SEC61A2: variants seen among roughly 807,000 people sequenced by gnomAD.
SEC61A2 encodes the protein protein transport protein Sec61 subunit alpha isoform 2.
SEC61A2 carries 28 observed loss-of-function variants against 59.9 expected under a neutral mutation model. The observed-to-expected ratio is 0.47, with a 90% CI of 0.35 to 0.64. The LOEUF (loss-of-function observed/expected upper bound fraction) is 0.64, where lower values mean the gene tolerates loss of function less well. SEC61A2 is among the 30% of genes least tolerant of loss of function. SEC61A2 has a pLI of 0.01. For missense variants in SEC61A2, 340 were observed against 585.9 expected (o/e 0.58, Z 4.33); for synonymous variants, 202 against 214.4 (o/e 0.94, Z 0.50).
Position 12,154,454 on chromosome 10 carries a change from C to T in SEC61A2, c.463-1324C>T, listed in dbSNP as rs559061783. Among the ~76,000 whole-genome samples the T allele has an allele frequency of 2.6e-5, 4 of 152,272 alleles. No individual in the cohort carries two copies. The highest frequency in any genetic ancestry group is 6.5e-5 in the Admixed American group (1 of 15,300). ...GCTTTCTGTGGCTGATGTTCATGGACGGCTGTTGCCTCCTGCATAGGATGG... is the reference window on the plus strand; with the variant it reads ...GCTTTCTGTGGCTGATGTTCATGGATGGCTGTTGCCTCCTGCATAGGATGG... On this transcript the variant is annotated intron_variant, in intron 6 of 11. Coordinates refer to ENST00000298428, the MANE Select transcript of SEC61A2 (RefSeq NM_018144.4). The surrounding 1 kb of genome is among the most constrained non-coding windows in gnomAD (Gnocchi z 5.2).
intron 2 of SEC61A2, among the ~76,000 whole-genome samples, chr10:12,135,352 A>G (rs1833860920): frequency 6.6e-6 from 1 of 152,198 alleles, no homozygotes; most frequent in Admixed American, 6.5e-5. Flanking sequence ...TATTTAAGGT[A>G]AAAATTTTGA....
rs1392298729 is a variant in SEC61A2, at chr10:12,162,857, G to C, written c.1244+568G>C. On this transcript the variant is annotated intron_variant, in intron 11 of 11. Coordinates refer to ENST00000298428, the MANE Select transcript of SEC61A2 (RefSeq NM_018144.4). This position sits in a 1 kb window ranked among gnomAD's most constrained non-coding sequence, Gnocchi z 6.1. The stretch of plus-strand genomic sequence containing the variant: ...TTGTCTCTACAGATTTGCCTATTCT[G>C]TACATTTCATATAAATGGAATCATA... Among the ~76,000 whole-genome samples the C allele has an allele frequency of 6.6e-6, 1 of 152,006 alleles. No individual in the cohort carries two copies. The highest frequency in any genetic ancestry group is 2.4e-5 in the African/African-American group (1 of 41,360).
intron 1 of SEC61A2, 59 bp from the exon 2 acceptor site, chr10:12,133,182 A>T: frequency 1.2e-6 from 1 of 857,808 alleles, no homozygotes; most frequent in Non-Finnish European, 1.9e-6. Context: ...TTTTCTAGAA[A>T]GACAGATCTT....
At chr10:12,131,977 G>A (rs1488541062) in intron 1 of SEC61A2, among the ~76,000 whole-genome samples, 1 of 51,104 alleles carries the variant, frequency 2.0e-5, no homozygotes, top group African/African-American at 8.1e-5. Flanking sequence ...GATTACAGGC[G>A]TGAGCCAACA....
At position 12,154,033 on chromosome 10, in the gene SEC61A2, A is replaced by G. The variant is rs1834342757; in HGVS notation, c.463-1745A>G. Among the ~76,000 whole-genome samples the G allele has an allele frequency of 6.6e-6, 1 of 152,194 alleles. No homozygotes were observed. Among genetic ancestry groups the G allele is most frequent in the Non-Finnish European group, 1.5e-5 (1 of 68,042 alleles). The stretch of plus-strand genomic sequence containing the variant: ...ACTGAACAAAAGATAGTTTGACAAA[A>G]CTAAGTTGTGTGTAGGTGTCGTGCA... On this transcript the variant is annotated intron_variant, in intron 6 of 11. Transcript: ENST00000298428. This position sits in a 1 kb window ranked among gnomAD's most constrained non-coding sequence, Gnocchi z 5.2.
chr10:12,152,431 C>T lies in SEC61A2; in HGVS notation c.462+2470C>T, dbSNP rs950689833. On this transcript the variant is annotated intron_variant, in intron 6 of 11. Transcript: ENST00000298428. This position sits in a 1 kb window ranked among gnomAD's most constrained non-coding sequence, Gnocchi z 5.5. ...AGGTTATTTGGAAGCTTTCTGATCCCCAGTGTGTTCGCATTTGGTAGAAGA... is the reference window on the plus strand; with the variant it reads ...AGGTTATTTGGAAGCTTTCTGATCCTCAGTGTGTTCGCATTTGGTAGAAGA... Among the ~76,000 whole-genome samples the T allele has an allele frequency of 1.3e-5, 2 of 152,144 alleles. No homozygotes were observed. The highest frequency in any genetic ancestry group is 2.4e-5 in the African/African-American group (1 of 41,444).
rs1435439211 is a variant in SEC61A2 at position 12,165,220 on chromosome 10, G to T, written c.*766G>T. 16 of 985,260 alleles carry T rather than the reference G, an allele frequency of 1.6e-5. No homozygotes were observed. The Admixed American group carries it at 2.5e-4, about 15-fold the overall frequency. The allele number at this position is 985,260 out of a possible 1,614,324, so 61.0% of individuals were successfully genotyped here. A position where few individuals can be genotyped will look rare whatever the true frequency, so the allele number is the denominator to read the frequency against. The stretch of plus-strand genomic sequence containing the variant: ...ATTCTTTTCTGTTTAAATCCCTAAA[G>T]CAAAGATCTAATTCTCAAGCAATGT... On this transcript the variant is annotated 3_prime_UTR_variant, in exon 12 of 12. Coordinates refer to ENST00000298428, the MANE Select transcript of SEC61A2 (RefSeq NM_018144.4).
chr10:12,142,100 G>A lies in SEC61A2; in HGVS notation c.142-1017G>A, dbSNP rs1350810059. ...GCTTTCCAGAACATGCAAGAATGCTGTGTGTCACAGCCTGTTATTTGTGTA... is the reference window on the plus strand; with the variant it reads ...GCTTTCCAGAACATGCAAGAATGCTATGTGTCACAGCCTGTTATTTGTGTA... On this transcript the variant is annotated intron_variant, in intron 3 of 11. Transcript: ENST00000298428. This position sits in a 1 kb window ranked among gnomAD's most constrained non-coding sequence, Gnocchi z 5.4. Among the ~76,000 whole-genome samples, 1 of 152,188 alleles carries A rather than the reference G, an allele frequency of 6.6e-6. No individual in the cohort carries two copies. Among genetic ancestry groups the A allele is most frequent in the Non-Finnish European group, 1.5e-5 (1 of 68,038 alleles).
chr10:12,146,521 T>TG (rs1205502181), intron 4 of SEC61A2, among the ~76,000 whole-genome samples: 1 of 151,982 alleles, frequency 6.6e-6, no homozygotes, highest in African/African-American at 2.4e-5. Flanking sequence ...CTTTTTTTTT[T>TG]GTTTTATTTT....
chr10:12,137,738 G>C (rs1014933632), intron 3 of SEC61A2, among the ~76,000 whole-genome samples: 1 of 152,178 alleles, frequency 6.6e-6, no homozygotes, highest in Non-Finnish European at 1.5e-5. Context: ...TGGGCATGGT[G>C]GCTCATGCCT....
Position 12,161,678 on chromosome 10 carries a change from T to G in SEC61A2, c.1168-535T>G, listed in dbSNP as rs1310719108. Among the ~76,000 whole-genome samples the G allele has an allele frequency of 6.6e-6, 1 of 152,034 alleles. No individual in the cohort carries two copies. The highest frequency in any genetic ancestry group is 2.4e-5 in the African/African-American group (1 of 41,400). On this transcript the variant is annotated intron_variant, in intron 10 of 11. Transcript: ENST00000298428. The surrounding 1 kb of genome is among the most constrained non-coding windows in gnomAD (Gnocchi z 5.4). ...ATCGCTTGAACCTGGGAGTCGGAGG[T>G]TGCAGTGAGCTGAGATCGTGCCACT...
downstream of SEC61A2, chr10:12,167,560 A>G (rs1834733197): frequency 1.4e-6 from 1 of 721,092 alleles, no homozygotes; most frequent in Non-Finnish European, 2.2e-6. Flanking sequence ...TTACAATTCC[A>G]TACCACCACC....
chr10:12,143,276 G>A lies in SEC61A2; in HGVS notation c.220+81G>A, dbSNP rs1358790175. The A allele has an allele frequency of 2.0e-6, 2 of 1,000,602 alleles. No individual in the cohort carries two copies. Among genetic ancestry groups the A allele is most frequent in the African/African-American group, 3.2e-5 (2 of 63,146 alleles). 62.0% of individuals were successfully genotyped at this position (1,000,602 alleles called of 1,614,324 possible). A position where few individuals can be genotyped will look rare whatever the true frequency, so the allele number is the denominator to read the frequency against. ...TGTGGATTAGCAATGAGTTTTCAAT[G>A]TCTACAGGGAGGGGGAGGATATCAT... On this transcript the variant is annotated intron_variant, in intron 4 of 11. Coordinates refer to ENST00000298428, the MANE Select transcript of SEC61A2 (RefSeq NM_018144.4). This position sits in a 1 kb window ranked among gnomAD's most constrained non-coding sequence, Gnocchi z 4.8.
In SEC61A2 at chr10:12,153,803, C is replaced by G; in HGVS notation, c.463-1975C>G. 7 of 1,601,556 alleles carry G rather than the reference C, an allele frequency of 4.4e-6. No homozygotes were observed. The South Asian group carries it at 5.6e-5, about 13-fold the overall frequency. On this transcript the variant is annotated intron_variant, in intron 6 of 11. Coordinates refer to ENST00000298428, the MANE Select transcript of SEC61A2 (RefSeq NM_018144.4). The surrounding 1 kb of genome is among the most constrained non-coding windows in gnomAD (Gnocchi z 5.2). Reference sequence around the variant, plus strand: ...TATGATTGGATCAGTGTGTTTCACCCAGAAACATAGGTTTTGAAAACTGTT... The same window carrying G: ...TATGATTGGATCAGTGTGTTTCACCGAGAAACATAGGTTTTGAAAACTGTT...
chr10:12,153,944 T>C lies in SEC61A2; in HGVS notation c.463-1834T>C. The C allele has an allele frequency of 1.3e-6, 1 of 744,774 alleles. No homozygotes were observed. Among genetic ancestry groups the C allele is most frequent in the East Asian group, 2.9e-5 (1 of 34,138 alleles). 46.1% of individuals were successfully genotyped at this position (744,774 alleles called of 1,614,324 possible). The stretch of plus-strand genomic sequence containing the variant: ...ACATAGCAGGTCTTGACTAAAAATT[T>C]TAAAAAACTATTAGAGAATATCAGT... On this transcript the variant is annotated intron_variant, in intron 6 of 11. Coordinates refer to ENST00000298428, the MANE Select transcript of SEC61A2 (RefSeq NM_018144.4). The surrounding 1 kb of genome is among the most constrained non-coding windows in gnomAD (Gnocchi z 5.2).
At chr10:12,167,921 AGATGCTGGT>A, downstream of SEC61A2, 2 of 1,498,786 alleles carry the variant, frequency 1.3e-6, no homozygotes, top group Non-Finnish European at 1.8e-6. Context: ...TTCCTATGCT[AGATGCTGGT>A]GATAACGTTT....
intron 11 of SEC61A2, among the ~76,000 whole-genome samples, chr10:12,163,316 T>C (rs1280918533): frequency 3.5e-4 from 16 of 45,706 alleles, no homozygotes; most frequent in Admixed American, 1.1e-3. Flanking sequence ...AGCTAGCTTT[T>C]TTTTTTTTTT....
intron 6 of SEC61A2, among the ~76,000 whole-genome samples, chr10:12,151,526 G>C (rs1334447893): frequency 2.0e-5 from 3 of 151,932 alleles, no homozygotes; most frequent in Admixed American, 2.0e-4. Flanking sequence ...TGGCCAGGAT[G>C]GTCTTGATCT....
In SEC61A2 at chr10:12,152,541, C is replaced by T. The variant is rs933276951; in HGVS notation, c.462+2580C>T. Reference sequence around the variant, plus strand: ...TTGAGAGGCCGAGATGGGCAGTTCACTTGAGGTCAGGAGTTTGAGACCAGT... The same window carrying T: ...TTGAGAGGCCGAGATGGGCAGTTCATTTGAGGTCAGGAGTTTGAGACCAGT... On this transcript the variant is annotated intron_variant, in intron 6 of 11. Transcript: ENST00000298428. The surrounding 1 kb of genome is among the most constrained non-coding windows in gnomAD (Gnocchi z 5.5). Among the ~76,000 whole-genome samples, 27 of 152,138 alleles carry T rather than the reference C, an allele frequency of 1.8e-4. No homozygotes were observed. Among genetic ancestry groups the T allele is most frequent in the African/African-American group, 6.0e-4 (25 of 41,446 alleles).
Sources: allele counts gnomAD v4.1 joint callset (sites outside exome capture counted in the v4.1 genomes callset), GRCh38; gene constraint gnomAD v4.1.1; non-coding constraint Gnocchi (gnomAD v3.1); transcripts MANE v1.5; gene names NCBI Gene and HGNC (gene_info 2026-07-23, HGNC 2026-07-21).